EEF1AKMT2: variants seen among roughly 807,000 people sequenced by gnomAD.
The protein encoded by EEF1AKMT2 is eukaryotic translation elongation factor 1 alpha lysine methyltransferase 2.
Under a neutral mutation model 35.8 loss-of-function variants are expected in EEF1AKMT2, and 32 were observed. The ratio of observed to expected loss-of-function variants is 0.89; its 90% CI spans 0.67 to 1.20. The LOEUF (loss-of-function observed/expected upper bound fraction) is 1.20, where lower values mean the gene tolerates loss of function less well. Among genes scored for constraint, EEF1AKMT2 ranks in the 50% most tolerant of loss-of-function variants. EEF1AKMT2 has a pLI of 0.00. For missense variants in EEF1AKMT2, 330 were observed against 347.5 expected, an observed-to-expected ratio of 0.95 and a Z score of 0.40; for synonymous variants, 121 against 133.7, an observed-to-expected ratio of 0.91 and a Z score of 0.65.
intron 3 of EEF1AKMT2, among the ~76,000 whole-genome samples, chr10:124,779,019 T>C (rs531213125): frequency 6.6e-6 from 1 of 152,100 alleles, no homozygotes; most frequent in African/African-American, 2.4e-5. Context: ...AAAAGATGAA[T>C]GTTCTACACC....
chr10:124,778,051 C>A (rs754762282), intron 3 of EEF1AKMT2, among the ~76,000 whole-genome samples: 3 of 151,436 alleles, frequency 2.0e-5, no homozygotes, highest in Non-Finnish European at 4.4e-5. Flanking sequence ...ATTAGCCAGG[C>A]GTGGTGGCGG....
Position 124,774,742 on chromosome 10 carries a change from G to A in EEF1AKMT2, c.332C>T (p.Ser111Phe). 1 of 1,483,262 alleles carries A rather than the reference G, an allele frequency of 6.7e-7. No individual in the cohort carries two copies. The highest frequency in any genetic ancestry group is 8.9e-7 in the Non-Finnish European group (1 of 1,121,248). 91.9% of individuals were successfully genotyped at this position (1,483,262 alleles called of 1,614,324 possible). A position where few individuals can be genotyped will look rare whatever the true frequency, so the allele number is the denominator to read the frequency against. Residue 111 changes from serine (S) to phenylalanine (F), a missense_variant, in exon 4 of 7, where the codon TCT becomes TTT. By Grantham distance (155) the Ser-to-Phe change is radical. Transcript: ENST00000368836. ...GFSNITGIDY[S>F]PSAIQLSGSI... The stretch of plus-strand genomic sequence containing the variant: ...TCCAGAAAGCTGAATTGCAGAAGGA[G>A]AGTAATCAATTCCAGTAATATTAGA...
rs767181434 is a variant in EEF1AKMT2 at position 124,774,665 on chromosome 10, TAATA to T, written c.399+6_399+9del. Reference sequence around the variant, plus strand: ...ATTGTAAATATTATAGTAATATAAATAATAGTTACCTTTAACTTAATGTTAGATA... The same window carrying T: ...ATTGTAAATATTATAGTAATATAAATGTTACCTTTAACTTAATGTTAGATA... On this transcript the variant is annotated splice_donor_region_variant and intron_variant, in intron 4 of 6. Coordinates refer to ENST00000368836, the MANE Select transcript of EEF1AKMT2 (RefSeq NM_212554.4). 5.1e-5 allele frequency: 66 copies of T among 1,297,184 alleles called. No homozygotes were observed. The African/African-American group carries it at 6.5e-4, about 13-fold the overall frequency. 80.4% of individuals were successfully genotyped at this position (1,297,184 alleles called of 1,614,324 possible). A position where few individuals can be genotyped will look rare whatever the true frequency, so the allele number is the denominator to read the frequency against.
chr10:124,781,206 A>G (rs1165844485), intron 3 of EEF1AKMT2, among the ~76,000 whole-genome samples: 1 of 151,840 alleles, frequency 6.6e-6, no homozygotes, highest in Non-Finnish European at 1.5e-5. Flanking sequence ...GGCCTCCCAA[A>G]ATGCTGGGAT....
At chr10:124,783,748 T>C (rs1950562625) in intron 3 of EEF1AKMT2, among the ~76,000 whole-genome samples, 1 of 152,044 alleles carries the variant, frequency 6.6e-6, no homozygotes, top group Non-Finnish European at 1.5e-5. Context: ...CAGGCTCAGG[T>C]GATCCTCCCA....
chr10:124,789,346 T>C (rs1308358308), intron 2 of EEF1AKMT2, among the ~76,000 whole-genome samples, 189 bp from the exon 3 acceptor site: 1 of 152,196 alleles, frequency 6.6e-6, no homozygotes, highest in Non-Finnish European at 1.5e-5. Context: ...ATAGACAAGG[T>C]CAGTATGTTA....
Position 124,765,616 on chromosome 10 carries a change from A to G in EEF1AKMT2, c.400-8T>C. 6.2e-7 allele frequency: 1 copy of G among 1,604,698 alleles called. No homozygotes were observed. Among genetic ancestry groups the G allele is most frequent in the Non-Finnish European group, 8.5e-7 (1 of 1,172,742 alleles). On this transcript the variant is annotated splice_region_variant and splice_polypyrimidine_tract_variant and intron_variant, in intron 4 of 6. Transcript: ENST00000368836. ...ATTCAAAAAGTCTTCTACCTATATT[A>G]AAAGTCAATGTCTATGTGAGAACAA... is the stretch of plus-strand genomic sequence containing the variant.
chr10:124,777,650 T>G lies in EEF1AKMT2; in HGVS notation c.292-2868A>C, dbSNP rs370776224. Among the ~76,000 whole-genome samples the G allele has an allele frequency of 3.5e-4, 53 of 152,218 alleles. 1 individual carries two copies. In the East Asian group the frequency reaches 6.2e-3, roughly 18 times the overall value. On this transcript the variant is annotated intron_variant, in intron 3 of 6. Coordinates refer to ENST00000368836, the MANE Select transcript of EEF1AKMT2 (RefSeq NM_212554.4). ...CTCCCACCCCAGCCTCTCAAGTAGC[T>G]GGATAGGCTCATGCCACCACCATGC...
At chr10:124,769,248 A>ATATATATATATATATATATATATG (rs60863408) in intron 4 of EEF1AKMT2, among the ~76,000 whole-genome samples, 3 of 63,818 alleles carry the variant, frequency 4.7e-5, no homozygotes, top group South Asian at 7.7e-4. Context: ...ATATATATAT[A>ATATATATATATATATATATATATG]TGTGTGTATA....
Position 124,766,339 on chromosome 10 carries a change from C to T in EEF1AKMT2, c.400-731G>A, listed in dbSNP as rs538680780. ...TCTTGGGTCTTGACTAAGCAGCTTACGAAATTACTAATGGATATAATGAAT... is the reference window on the plus strand; with the variant it reads ...TCTTGGGTCTTGACTAAGCAGCTTATGAAATTACTAATGGATATAATGAAT... On this transcript the variant is annotated intron_variant, in intron 4 of 6. Coordinates refer to ENST00000368836, the MANE Select transcript of EEF1AKMT2 (RefSeq NM_212554.4). 7.3e-5 allele frequency: 11 copies of T among 151,354 alleles called. No homozygotes were observed. In the East Asian group the frequency reaches 1.2e-3, roughly 16 times the overall value. The allele number at this position is 151,354 out of a possible 1,614,324, so 9.4% of individuals were successfully genotyped here.
intron 4 of EEF1AKMT2, among the ~76,000 whole-genome samples, chr10:124,774,453 T>C (rs1053818323): frequency 6.6e-6 from 1 of 150,572 alleles, no homozygotes; most frequent in Non-Finnish European, 1.5e-5. Flanking sequence ...TTATGTGTAT[T>C]TGCAAACATC....
At chr10:124,782,490 G>A (rs1267129025) in intron 3 of EEF1AKMT2, among the ~76,000 whole-genome samples, 1 of 150,548 alleles carries the variant, frequency 6.6e-6, no homozygotes, top group African/African-American at 2.4e-5. Flanking sequence ...GCTGAGGCAG[G>A]AGAATGGCGT....
At chr10:124,762,249 T>C (rs1564899314) in intron 6 of EEF1AKMT2, 51 bp downstream of exon 6, 10 of 1,042,406 alleles carry the variant, frequency 9.6e-6, no homozygotes, top group Non-Finnish European at 1.2e-5. Flanking sequence ...TGAAATAAAA[T>C]GTTATATTAT....
chr10:124,778,193 T>TAC (rs1359091638), intron 3 of EEF1AKMT2, among the ~76,000 whole-genome samples: 1 of 146,770 alleles, frequency 6.8e-6, no homozygotes, highest in Non-Finnish European at 1.5e-5. Context: ...ACACAGTCTA[T>TAC]ACATACACAC....
chr10:124,767,511 C>CAAAAAA (rs1193595891), intron 4 of EEF1AKMT2, among the ~76,000 whole-genome samples: 1 of 60,062 alleles, frequency 1.7e-5, no homozygotes, highest in African/African-American at 5.1e-5. Flanking sequence ...GACACTGCCT[C>CAAAAAA]AAAAAAAAAA....
chr10:124,782,833 T>C, intron 3 of EEF1AKMT2: 1 of 192,516 alleles, frequency 5.2e-6, no homozygotes. Flanking sequence ...AAAACAGAGG[T>C]AAAAAAGGGA....
At chr10:124,762,705 G>C (rs1055520962) in intron 5 of EEF1AKMT2, 147 bp from the exon 6 acceptor site, 1 of 372,918 alleles carries the variant, frequency 2.7e-6, no homozygotes, top group Non-Finnish European at 3.9e-6. Context: ...ATATTATAAT[G>C]CTTATTAAAA....
intron 1 of EEF1AKMT2, among the ~76,000 whole-genome samples, chr10:124,790,975 G>A (rs1564912230): frequency 6.6e-6 from 1 of 152,168 alleles, no homozygotes; most frequent in Non-Finnish European, 1.5e-5. Context: ...ATGTTGGTCA[G>A]GCTGGTCTCG....
Position 124,774,794 on chromosome 10 carries a change from T to G in EEF1AKMT2, c.292-12A>C, listed in dbSNP as rs1032320663. 1.6e-6 allele frequency: 2 copies of G among 1,261,046 alleles called. No homozygotes were observed. Among genetic ancestry groups the G allele is most frequent in the Admixed American group, 5.6e-5 (2 of 35,942 alleles). 78.1% of individuals were successfully genotyped at this position (1,261,046 alleles called of 1,614,324 possible). A position where few individuals can be genotyped will look rare whatever the true frequency, so the allele number is the denominator to read the frequency against. ...AAACCAAATTTTGCCTAGAGAGAAA[T>G]AATTTTATACTTTAGTATAAAATTT... On this transcript the variant is annotated splice_polypyrimidine_tract_variant and intron_variant, in intron 3 of 6. Transcript: ENST00000368836.
Sources: allele counts gnomAD v4.1 joint callset (sites outside exome capture counted in the v4.1 genomes callset), GRCh38; gene constraint gnomAD v4.1.1; transcripts MANE v1.5; gene names NCBI Gene and HGNC (gene_info 2026-07-23, HGNC 2026-07-21).